Variants in FOXP4 observed in about 807,000 individuals in gnomAD.
FOXP4 encodes the protein forkhead box protein P4.
FOXP4 carries 25 observed loss-of-function variants against 82.6 expected under a neutral mutation model. The ratio of observed to expected loss-of-function variants is 0.30; its 90% CI spans 0.22 to 0.42. The LOEUF (loss-of-function observed/expected upper bound fraction) is 0.42. Among genes scored for constraint, FOXP4 ranks in the 10% least tolerant of loss-of-function variants. The pLI is 1.00. For missense variants in FOXP4, 785 were observed against 900.9 expected (o/e 0.87, Z 1.65); for synonymous variants, 415 against 388.2 (o/e 1.07, Z -0.81).
chr6:41,588,967 C>CA (rs1286199434), intron 9 of FOXP4, among the ~76,000 whole-genome samples: 1 of 152,132 alleles, frequency 6.6e-6, no homozygotes, highest in Non-Finnish European at 1.5e-5. Flanking sequence ...AGAAGAGACT[C>CA]ACGCTACATA....
At chr6:41,574,659 G>A (rs1334656450) in intron 2 of FOXP4, among the ~76,000 whole-genome samples, 1 of 152,146 alleles carries the variant, frequency 6.6e-6, no homozygotes, top group Non-Finnish European at 1.5e-5. Context: ...GTGGGGCTGG[G>A]GATCTGCCGG....
At position 41,587,364 on chromosome 6, in the gene FOXP4, G is replaced by A. The variant is rs748410352; in HGVS notation, c.724G>A (p.Glu242Lys). ...KGEGAPGQPA[E>K]DSVKQEGLDL... is the part of the protein sequence containing the mutation. ...CGAGGGTGCCCCCGGGCAGCCTGCC[G>A]AGGACAGCGTCAAGCAGGAGGGGCT... Residue 242 changes from glutamate to lysine, a missense_variant, in exon 7 of 17, where the codon GAG (glutamate) becomes AAG (lysine). This residue lies in a region of FOXP4 where 570 missense variants were observed against 634.0 expected (regional missense o/e 0.90). Transcript: ENST00000307972. 10 of 1,608,372 alleles carry A rather than the reference G, an allele frequency of 6.2e-6. No individual in the cohort carries two copies. The highest frequency in any genetic ancestry group is 1.7e-4 in the Middle Eastern group (1 of 6,056).
chr6:41,572,644 G>A (rs1480729483), intron 2 of FOXP4, among the ~76,000 whole-genome samples: 2 of 152,124 alleles, frequency 1.3e-5, no homozygotes, highest in Admixed American at 6.6e-5. Flanking sequence ...AATTAATTAT[G>A]GAGACAATTT....
At chr6:41,575,038 G>C (rs1057376490) in intron 2 of FOXP4, among the ~76,000 whole-genome samples, 1 of 151,982 alleles carries the variant, frequency 6.6e-6, no homozygotes, top group Non-Finnish European at 1.5e-5. Context: ...GTGCCACCTC[G>C]GCTCACTGCA....
rs1018669934 is a variant in FOXP4 at position 41,591,935 on chromosome 6, A to G, written c.1536+613A>G. 2.6e-5 allele frequency among the ~76,000 whole-genome samples: 4 copies of G among 152,294 alleles called. No homozygotes were observed. The highest frequency in any genetic ancestry group is 1.3e-4 in the Admixed American group (2 of 15,296). On this transcript the variant is annotated intron_variant, in intron 13 of 16. Coordinates refer to ENST00000307972, the MANE Select transcript of FOXP4 (RefSeq NM_001012426.2). The surrounding 1 kb of genome is among the most constrained non-coding windows in gnomAD (Gnocchi z 4.2). The stretch of plus-strand genomic sequence containing the variant: ...AGCAGGCAAGAGGGGGACTCTAGAA[A>G]AATGGGAGACAGATGCTGGGGTACT...
chr6:41,553,270 A>G (rs1764098365), intron 1 of FOXP4, among the ~76,000 whole-genome samples: 1 of 151,808 alleles, frequency 6.6e-6, no homozygotes, highest in Non-Finnish European at 1.5e-5. Flanking sequence ...AGAATCTCAC[A>G]TTCTCCAGAA....
chr6:41,548,749 G>T (rs1401721127), intron 1 of FOXP4: 1 of 151,960 alleles, frequency 6.6e-6, no homozygotes, highest in Admixed American at 6.5e-5. Context: ...GGACCCAGCC[G>T]CCTGAAGGGG....
intron 1 of FOXP4, 110 bp downstream of exon 1, chr6:41,546,977 C>G (rs1763663572): frequency 6.6e-6 from 1 of 151,416 alleles, no homozygotes; most frequent in African/African-American, 2.4e-5. Flanking sequence ...TTTGTGTTTG[C>G]AAACTGCCCG....
intron 3 of FOXP4, among the ~76,000 whole-genome samples, chr6:41,584,515 T>C (rs1392968504): frequency 6.6e-6 from 1 of 152,254 alleles, no homozygotes; most frequent in Non-Finnish European, 1.5e-5. Flanking sequence ...GTTTTAAGTA[T>C]TCACTGATTA....
At chr6:41,547,240 A>T (rs969704749) in intron 1 of FOXP4, among the ~76,000 whole-genome samples, 17 of 151,790 alleles carry the variant, frequency 1.1e-4, no homozygotes, top group Non-Finnish European at 2.1e-4. Context: ...TTCCCCAAGA[A>T]TCTGGGCCCC....
chr6:41,600,399 A>AC lies in FOXP4; in HGVS notation c.*1468dup, dbSNP rs1767157000. 6.6e-6 allele frequency: 1 copy of AC among 152,474 alleles called. No individual in the cohort carries two copies. The highest frequency in any genetic ancestry group is 1.9e-4 in the East Asian group (1 of 5,166). 9.4% of individuals were successfully genotyped at this position (152,474 alleles called of 1,614,324 possible). A position where few individuals can be genotyped will look rare whatever the true frequency, so the allele number is the denominator to read the frequency against. The stretch of plus-strand genomic sequence containing the variant: ...ACTCTCCACAGACCCCCTATGGGGG[A>AC]CCCCCAACTCAAGGCCAAGGACTGG... On this transcript the variant is annotated 3_prime_UTR_variant, in exon 17 of 17. Transcript: ENST00000307972.
chr6:41,577,619 C>G (rs912298163), intron 2 of FOXP4, among the ~76,000 whole-genome samples: 1 of 152,180 alleles, frequency 6.6e-6, no homozygotes, highest in Non-Finnish European at 1.5e-5. Flanking sequence ...CTGTACAGTG[C>G]CTGACCCATA....
intron 1 of FOXP4, among the ~76,000 whole-genome samples, chr6:41,559,011 G>A (rs942432847): frequency 1.3e-5 from 2 of 152,156 alleles, no homozygotes; most frequent in African/African-American, 2.4e-5. Flanking sequence ...GTCTGAAACC[G>A]ACGACCCTTC....
intron 1 of FOXP4, among the ~76,000 whole-genome samples, chr6:41,548,825 T>C (rs1180597030): frequency 1.5e-3 from 1 of 668 alleles, no homozygotes; most frequent in Non-Finnish European, 7.9e-3. Context: ...TCTGAAGGCC[T>C]TTTTTTTTTT....
At chr6:41,550,547 C>A (rs1763940698) in intron 1 of FOXP4, among the ~76,000 whole-genome samples, 1 of 152,194 alleles carries the variant, frequency 6.6e-6, no homozygotes, top group Admixed American at 6.5e-5. Context: ...AATATGGGGC[C>A]CTCGACTCCC....
In FOXP4 at chr6:41,600,625, G is replaced by T. The variant is rs1043975961; in HGVS notation, c.*1689G>T. The T allele has an allele frequency of 3.9e-5, 6 of 152,362 alleles. No individual in the cohort carries two copies. The highest frequency in any genetic ancestry group is 1.4e-4 in the African/African-American group (6 of 41,448). 9.4% of individuals were successfully genotyped at this position (152,362 alleles called of 1,614,324 possible). A position where few individuals can be genotyped will look rare whatever the true frequency, so the allele number is the denominator to read the frequency against. ...AATATTAAACGTCCTCTATTCACCG[G>T]GCCCTGTGTGTGTCACCGAGGTGCG... On this transcript the variant is annotated 3_prime_UTR_variant, in exon 17 of 17. Transcript: ENST00000307972.
intron 1 of FOXP4, 97 bp from the exon 2 acceptor site, chr6:41,565,648 A>T: frequency 9.0e-7 from 1 of 1,115,566 alleles, no homozygotes; most frequent in Non-Finnish European, 1.3e-6. Context: ...ATGCCCAGCT[A>T]CTCCTGTGGC....
intron 16 of FOXP4, among the ~76,000 whole-genome samples, chr6:41,598,216 CTTTT>C (rs571791132): frequency 3.0e-5 from 4 of 131,864 alleles, no homozygotes; most frequent in African/African-American, 2.9e-5. Flanking sequence ...CCTCTCTTCT[CTTTT>C]TTTTTTTTTT....
chr6:41,598,702 C>T (rs1207624341), intron 16 of FOXP4, 87 bp from the exon 17 acceptor site: 1 of 1,540,470 alleles, frequency 6.5e-7, no homozygotes, highest in Non-Finnish European at 8.8e-7. Context: ...CCCACTGTGC[C>T]CCAGAGTTCT....
Sources: gnomAD v4.1 joint callset for allele counts (sites outside exome capture counted in the v4.1 genomes callset) on GRCh38, gnomAD v4.1.1 for gene constraint, gnomAD v4.1.1 regional missense constraint, Gnocchi (gnomAD v3.1) non-coding constraint, MANE v1.5 for transcripts, NCBI Gene and HGNC (gene_info 2026-07-23, HGNC 2026-07-21) for gene names.